The following GPBP1 variants were observed in gnomAD, a reference collection of about 807,000 sequenced individuals.
The protein encoded by GPBP1 is vasculin.
GPBP1 carries 13 observed loss-of-function variants against 56.5 expected under a neutral mutation model. The ratio of observed to expected loss-of-function variants is 0.23; its 90% CI spans 0.15 to 0.37. The LOEUF is 0.37. Among genes scored for constraint, GPBP1 ranks in the 10% least tolerant of loss-of-function variants. The pLI, the probability that GPBP1 is intolerant of heterozygous loss-of-function variation, is 1.00. For synonymous variants in GPBP1, 204 were observed against 188.9 expected (o/e 1.08, Z -0.66); for missense variants, 477 against 572.3 (o/e 0.83, Z 1.70).
chr5:57,214,152 C>T lies in GPBP1; in HGVS notation c.22C>T (p.Pro8Ser). ...CTAAATGGCGCAGCATGACTTTGCTCCAGCCTGGCTTAATTTCCCTACTCC... is the reference window on the plus strand; with the variant it reads ...CTAAATGGCGCAGCATGACTTTGCTTCAGCCTGGCTTAATTTCCCTACTCC... Reference protein sequence around the residue: MAQHDFAPAWLNFPTPPS... With the variant: MAQHDFASAWLNFPTPPS... The change falls in exon 3 of 12, where the codon CCA becomes TCA. Residue 8 changes from proline (P) to serine (S), a missense_variant. Pro to Ser is a moderately conservative substitution (Grantham distance 74, BLOSUM62 -1). Coordinates refer to ENST00000506184, the MANE Select transcript of GPBP1 (RefSeq NM_022913.4). 6.2e-7 allele frequency: 1 copy of T among 1,614,042 alleles called. No homozygotes were observed. Among genetic ancestry groups the T allele is most frequent in the Non-Finnish European group, 8.5e-7 (1 of 1,179,934 alleles).
intron 9 of GPBP1, among the ~76,000 whole-genome samples, chr5:57,250,091 T>C (rs1454155283): frequency 7.0e-6 from 1 of 143,818 alleles, no homozygotes; most frequent in Non-Finnish European, 1.5e-5. Flanking sequence ...TTCTTGTTCC[T>C]CAGCCTTCCT....
At chr5:57,214,695 G>A (rs1004728425) in intron 3 of GPBP1, among the ~76,000 whole-genome samples, 1 of 151,892 alleles carries the variant, frequency 6.6e-6, no homozygotes, top group Non-Finnish European at 1.5e-5. Flanking sequence ...TTGCTCTGTC[G>A]CCTAGGCTGG....
rs544197039 is a variant in GPBP1 at position 57,236,301 on chromosome 5, A to G, written c.478+269A>G. Among the ~76,000 whole-genome samples, 5 of 152,324 alleles carry G rather than the reference A, an allele frequency of 3.3e-5. No homozygotes were observed. The South Asian group carries it at 1.0e-3, about 32-fold the overall frequency. ...ACTTAAATGATAATAAGTTAGTGTA[A>G]TGAATTGATACCATTTTGAGAGCAG... On this transcript the variant is annotated intron_variant, in intron 6 of 11. Transcript: ENST00000506184.
chr5:57,208,389 A>G (rs938590649), intron 2 of GPBP1, among the ~76,000 whole-genome samples: 1 of 152,012 alleles, frequency 6.6e-6, no homozygotes, highest in Admixed American at 6.6e-5. Context: ...ACGAGCCACC[A>G]TGCCTGGCTG....
intron 2 of GPBP1, among the ~76,000 whole-genome samples, chr5:57,190,980 C>A (rs531289371): frequency 2.2e-4 from 33 of 152,106 alleles, no homozygotes; most frequent in East Asian, 2.1e-3. Flanking sequence ...GAACTCTAGG[C>A]AAAACATATT....
intron 3 of GPBP1, chr5:57,230,612 G>T: frequency 2.1e-6 from 1 of 469,196 alleles, no homozygotes. Flanking sequence ...ATATTTTTTG[G>T]AAAAAAAGAT....
Position 57,249,378 on chromosome 5 carries a change from T to C in GPBP1, c.805-31T>C, listed in dbSNP as rs778415160. The C allele has an allele frequency of 2.0e-6, 3 of 1,527,164 alleles. No homozygotes were observed. In the African/African-American group the frequency reaches 4.2e-5, roughly 21 times the overall value. 94.6% of individuals were successfully genotyped at this position (1,527,164 alleles called of 1,614,324 possible). The stretch of plus-strand genomic sequence containing the variant: ...TGTTGACATTGATTCCTTGGCTACA[T>C]ATTTATCAGTATTTCTGAATTTCCT... On this transcript the variant is annotated intron_variant, in intron 8 of 11. Coordinates refer to ENST00000506184, the MANE Select transcript of GPBP1 (RefSeq NM_022913.4).
chr5:57,197,760 C>T (rs535491113), intron 2 of GPBP1, among the ~76,000 whole-genome samples: 1 of 151,486 alleles, frequency 6.6e-6, no homozygotes, highest in Admixed American at 6.6e-5. Flanking sequence ...CTGAAAAATT[C>T]ATTTATCTTG....
At chr5:57,250,912 A>G (rs1741353470) in intron 9 of GPBP1, 42 bp from the exon 10 acceptor site, 1 of 1,285,616 alleles carries the variant, frequency 7.8e-7, no homozygotes, top group Non-Finnish European at 1.1e-6. Context: ...TGTATTCTGT[A>G]GAACTCATTC....
At chr5:57,247,442 C>T (rs1446500560) in intron 8 of GPBP1, among the ~76,000 whole-genome samples, 3 of 152,116 alleles carry the variant, frequency 2.0e-5, no homozygotes, top group Non-Finnish European at 4.4e-5. Flanking sequence ...ATAATCCCAA[C>T]ATTTTGGGAA....
chr5:57,210,811 T>G (rs890709222), intron 2 of GPBP1, among the ~76,000 whole-genome samples: 3 of 152,200 alleles, frequency 2.0e-5, no homozygotes, highest in African/African-American at 7.2e-5. Context: ...GACTGCCTGC[T>G]TGCTGCCTCT....
At chr5:57,211,664 A>C (rs906277004) in intron 2 of GPBP1, among the ~76,000 whole-genome samples, 4 of 149,424 alleles carry the variant, frequency 2.7e-5, no homozygotes, top group Non-Finnish European at 4.5e-5. Context: ...GCTCACTGCA[A>C]CCTCCGCCTC....
intron 11 of GPBP1, among the ~76,000 whole-genome samples, chr5:57,262,133 C>T (rs1488257938): frequency 6.6e-6 from 1 of 152,124 alleles, no homozygotes; most frequent in African/African-American, 2.4e-5. Context: ...TTATTTATTA[C>T]CAACCTTTTA....
At chr5:57,191,550 A>C (rs1283096165) in intron 2 of GPBP1, among the ~76,000 whole-genome samples, 1 of 126,370 alleles carries the variant, frequency 7.9e-6, no homozygotes, top group Non-Finnish European at 1.7e-5. Context: ...AAATACATTT[A>C]TCTTTAGGTT....
chr5:57,184,500 CCA>C, intron 2 of GPBP1, among the ~76,000 whole-genome samples: 1 of 151,984 alleles, frequency 6.6e-6, no homozygotes. Context: ...GGGGGAGGTG[CCA>C]CACACTCTTT....
In GPBP1 at chr5:57,226,397, G is replaced by A. The variant is rs144282683; in HGVS notation, c.64-4449G>A. 3.2e-3 allele frequency among the ~76,000 whole-genome samples: 480 copies of A among 152,146 alleles called. 3 individuals carry two copies. Among genetic ancestry groups the A allele is most frequent in the African/African-American group, 0.011 (456 of 41,486 alleles). ...CTTAATTAAATGCTGTATAAGACCA[G>A]TTAAATGAATTTTGTTCTAGTCTCT... On this transcript the variant is annotated intron_variant, in intron 3 of 11. Coordinates refer to ENST00000506184, the MANE Select transcript of GPBP1 (RefSeq NM_022913.4).
Position 57,229,600 on chromosome 5 carries a change from G to A in GPBP1, c.64-1246G>A, listed in dbSNP as rs1035383037. Among the ~76,000 whole-genome samples the A allele has an allele frequency of 1.8e-4, 27 of 151,100 alleles. 1 individual carries two copies. The highest frequency in any genetic ancestry group is 2.9e-4 in the Non-Finnish European group (20 of 67,942). ...CTCTGGAGTACAGTTGTGTCATCTCGGCTCACTGCAACTGCAACCTGCCTC... is the reference window on the plus strand; with the variant it reads ...CTCTGGAGTACAGTTGTGTCATCTCAGCTCACTGCAACTGCAACCTGCCTC... On this transcript the variant is annotated intron_variant, in intron 3 of 11. Transcript: ENST00000506184.
chr5:57,247,851 C>G (rs1439463970), intron 8 of GPBP1, among the ~76,000 whole-genome samples: 1 of 152,058 alleles, frequency 6.6e-6, no homozygotes, highest in Non-Finnish European at 1.5e-5. Context: ...TCAAGCAGTC[C>G]TCCCATCTTA....
At chr5:57,260,779 A>G (rs1741863101) in intron 10 of GPBP1, among the ~76,000 whole-genome samples, 2 of 152,214 alleles carry the variant, frequency 1.3e-5, no homozygotes, top group Admixed American at 6.5e-5. Flanking sequence ...TGAAGTAGCT[A>G]TTGATGCAGT....
Sources: allele counts gnomAD v4.1 joint callset (sites outside exome capture counted in the v4.1 genomes callset), GRCh38; gene constraint gnomAD v4.1.1; transcripts MANE v1.5; gene names NCBI Gene and HGNC (gene_info 2026-07-23, HGNC 2026-07-21).